RBMS3: variants seen among roughly 807,000 people sequenced by gnomAD.
The protein encoded by RBMS3 is RNA binding motif single stranded interacting protein 3.
RBMS3 carries 27 observed loss-of-function variants against 66.8 expected under a neutral mutation model. The observed-to-expected ratio is 0.40, with a 90% CI of 0.30 to 0.56. The LOEUF is 0.56. RBMS3 is among the 20% of genes least tolerant of loss of function. RBMS3 has a pLI of 0.40. For synonymous variants in RBMS3, 188 were observed against 183.0 expected, an observed-to-expected ratio of 1.03 and a Z score of -0.22; for missense variants, 513 against 549.5, an observed-to-expected ratio of 0.93 and a Z score of 0.66.
intron 3 of RBMS3, among the ~76,000 whole-genome samples, chr3:29,553,473 C>T (rs1475003964): frequency 6.6e-6 from 1 of 152,060 alleles, no homozygotes; most frequent in Non-Finnish European, 1.5e-5. Flanking sequence ...TCTTTTTACA[C>T]CCCTCACATT....
chr3:29,331,041 A>C (rs578212909), intron 1 of RBMS3, among the ~76,000 whole-genome samples: 1 of 152,258 alleles, frequency 6.6e-6, no homozygotes, highest in African/African-American at 2.4e-5. Context: ...TGCTGGGACA[A>C]GAGCATTGGC....
At chr3:29,353,720 A>G (rs549993244) in intron 1 of RBMS3, among the ~76,000 whole-genome samples, 1 of 152,208 alleles carries the variant, frequency 6.6e-6, no homozygotes, top group Non-Finnish European at 1.5e-5. Flanking sequence ...ATATTTTAAA[A>G]CAACATAATT....
At chr3:29,717,802 G>A (rs766570012) in intron 4 of RBMS3, among the ~76,000 whole-genome samples, 6 of 152,086 alleles carry the variant, frequency 3.9e-5, no homozygotes, top group South Asian at 2.1e-4. Context: ...ATGACTTAGC[G>A]GAGTGGCAAA....
intron 4 of RBMS3, among the ~76,000 whole-genome samples, chr3:29,631,029 C>T (rs756240808): frequency 1.3e-5 from 2 of 151,882 alleles, no homozygotes; most frequent in Non-Finnish European, 2.9e-5. Flanking sequence ...ATTCTAAACT[C>T]AGGACCTAAT....
chr3:29,896,781 CT>C (rs1229927068), intron 8 of RBMS3, among the ~76,000 whole-genome samples: 2 of 151,522 alleles, frequency 1.3e-5, no homozygotes, highest in African/African-American at 4.8e-5. Context: ...AAATTCAGTG[CT>C]TTTTACAGAG....
At chr3:29,446,499 A>G (rs924395703) in intron 2 of RBMS3, among the ~76,000 whole-genome samples, 5 of 152,178 alleles carry the variant, frequency 3.3e-5, no homozygotes, top group East Asian at 3.8e-4. Flanking sequence ...ACCACTATAC[A>G]TAGTACACTG....
intron 6 of RBMS3, among the ~76,000 whole-genome samples, chr3:29,770,415 C>A (rs1193180711): frequency 2.0e-5 from 3 of 151,658 alleles, no homozygotes; most frequent in Non-Finnish European, 4.4e-5. Flanking sequence ...CTTTCTTGAC[C>A]ATATTTTTTC....
intron 3 of RBMS3, among the ~76,000 whole-genome samples, chr3:29,576,685 C>G (rs2047133868): frequency 6.6e-6 from 1 of 152,166 alleles, no homozygotes; most frequent in Non-Finnish European, 1.5e-5. Context: ...TAAGCTGGCA[C>G]TCAGTCCACA....
At chr3:29,815,104 T>C (rs975977270) in intron 6 of RBMS3, among the ~76,000 whole-genome samples, 5 of 152,192 alleles carry the variant, frequency 3.3e-5, no homozygotes, top group African/African-American at 1.2e-4. Context: ...ATTTTCTTTC[T>C]CCCTAACACA....
chr3:29,331,110 T>A (rs1418548867), intron 1 of RBMS3, among the ~76,000 whole-genome samples: 3 of 152,188 alleles, frequency 2.0e-5, no homozygotes, highest in South Asian at 4.1e-4. Flanking sequence ...TTGATTATGC[T>A]GATGGGATAA....
At chr3:29,316,871 G>T (rs1221128804) in intron 1 of RBMS3, among the ~76,000 whole-genome samples, 1 of 151,642 alleles carries the variant, frequency 6.6e-6, no homozygotes, top group Non-Finnish European at 1.5e-5. Context: ...AGTGAAAAAT[G>T]TTAACACCGT....
intron 1 of RBMS3, among the ~76,000 whole-genome samples, chr3:29,328,831 C>G (rs747210207): frequency 2.6e-5 from 4 of 152,034 alleles, no homozygotes; most frequent in Non-Finnish European, 5.9e-5. Context: ...AATCCAAAAG[C>G]CCTATAAAGC....
intron 12 of RBMS3, among the ~76,000 whole-genome samples, chr3:29,951,195 G>A (rs1303947322): frequency 2.0e-5 from 3 of 151,798 alleles, no homozygotes; most frequent in Non-Finnish European, 4.4e-5. Context: ...TTGGGCTAAT[G>A]GGAAGTTTGT....
At chr3:29,371,227 T>G (rs1471721336) in intron 1 of RBMS3, among the ~76,000 whole-genome samples, 3 of 152,180 alleles carry the variant, frequency 2.0e-5, no homozygotes, top group Non-Finnish European at 4.4e-5. Flanking sequence ...ACATACTTAA[T>G]GTTTTAAGAT....
chr3:29,676,597 A>G (rs1445583336), intron 4 of RBMS3, among the ~76,000 whole-genome samples: 1 of 152,180 alleles, frequency 6.6e-6, no homozygotes, highest in African/African-American at 2.4e-5. Context: ...TCTGTATTTA[A>G]ATGCAATCAG....
chr3:29,823,736 C>T (rs2058132865), intron 6 of RBMS3, among the ~76,000 whole-genome samples: 1 of 152,110 alleles, frequency 6.6e-6, no homozygotes, highest in African/African-American at 2.4e-5. Flanking sequence ...ACAGTTCTAG[C>T]ACATGTCTTT....
chr3:29,861,167 C>T (rs1016791134), intron 6 of RBMS3, among the ~76,000 whole-genome samples: 19 of 152,086 alleles, frequency 1.2e-4, no homozygotes, highest in Non-Finnish European at 2.4e-4. Context: ...TTAAAGGTAG[C>T]TCCTGGATCA....
At chr3:29,625,738 A>AAAT (rs1163453571) in intron 4 of RBMS3, among the ~76,000 whole-genome samples, 3 of 150,860 alleles carry the variant, frequency 2.0e-5, no homozygotes. Context: ...ATAAATAAAT[A>AAAT]AAAATAATCT....
At chr3:29,523,077 C>T (rs1325410076) in intron 3 of RBMS3, among the ~76,000 whole-genome samples, 2 of 152,166 alleles carry the variant, frequency 1.3e-5, no homozygotes, top group African/African-American at 4.8e-5. Flanking sequence ...TCTCAATATT[C>T]CAGATGGGGA....
Sources: allele counts gnomAD v4.1 joint callset (sites outside exome capture counted in the v4.1 genomes callset), GRCh38; gene constraint gnomAD v4.1.1; transcripts MANE v1.5; gene names NCBI Gene and HGNC (gene_info 2026-07-23, HGNC 2026-07-21).